The following MECOM variants were observed in gnomAD, a reference collection of about 807,000 sequenced individuals.
MECOM encodes the protein histone-lysine N-methyltransferase MECOM.
Under a neutral mutation model 116.3 loss-of-function variants are expected in MECOM, and 13 were observed. The observed-to-expected ratio is 0.11, with a 90% confidence interval of 0.07 to 0.18. The LOEUF (loss-of-function observed/expected upper bound fraction) is 0.18, where lower values mean the gene tolerates loss of function less well. MECOM is among the 10% of genes least tolerant of loss of function. The probability of loss-of-function intolerance (pLI) is 1.00; values close to 1 mark genes in which losing one functional copy is unlikely to be tolerated. For synonymous variants in MECOM, 528 were observed against 535.2 expected, an observed-to-expected ratio of 0.99 and a Z score of 0.19; for missense variants, 1,299 against 1,509.0, an observed-to-expected ratio of 0.86 and a Z score of 2.31.
intron 11 of MECOM, 72 bp downstream of exon 11, chr3:169,101,988 A>G: frequency 6.9e-7 from 1 of 1,458,560 alleles, no homozygotes; most frequent in Non-Finnish European, 9.2e-7. Context: ...AATTTCCAAA[A>G]CAAACAGCAA....
At chr3:169,576,450 T>G (rs553897214) in intron 1 of MECOM, among the ~76,000 whole-genome samples, 3 of 152,240 alleles carry the variant, frequency 2.0e-5, no homozygotes, top group Admixed American at 6.5e-5. Flanking sequence ...TGGAACAGTG[T>G]GGCACATCAA....
intron 1 of MECOM, among the ~76,000 whole-genome samples, chr3:169,598,709 G>C (rs1767453963): frequency 6.6e-6 from 1 of 152,142 alleles, no homozygotes; most frequent in Admixed American, 6.5e-5. Context: ...CACCGCAGTT[G>C]GTGCATATAA....
At chr3:169,300,184 T>C (rs1196966830) in intron 2 of MECOM, among the ~76,000 whole-genome samples, 1 of 152,230 alleles carries the variant, frequency 6.6e-6, no homozygotes, top group African/African-American at 2.4e-5. Flanking sequence ...AGTCATAACC[T>C]TTGTTTAAGA....
intron 1 of MECOM, among the ~76,000 whole-genome samples, chr3:169,661,835 C>T (rs1175687884): frequency 1.3e-5 from 2 of 152,162 alleles, no homozygotes; most frequent in Non-Finnish European, 2.9e-5. Context: ...AAGCATCCCA[C>T]CCATCTCCGA....
rs1728995107 is a variant in MECOM at position 169,115,835 on chromosome 3, C to T, written c.2037G>A (p.Val679=). 1 of 1,614,064 alleles carries T rather than the reference C, an allele frequency of 6.2e-7. No individual in the cohort carries two copies. The highest frequency in any genetic ancestry group is 8.5e-7 in the Non-Finnish European group (1 of 1,180,028). The change falls in exon 8 of 17, where the codon GTG becomes GTA. Residue 679 remains valine (V), a synonymous_variant. Transcript: ENST00000651503. ...AEKYFGSTGL[V]GLQDKKVGAL... ...CTCCAACTTTTTTGTCTTGCAGCCCCACCAGTCCTGTTGAACCAAAGTATT... is the reference window on the plus strand; with the variant it reads ...CTCCAACTTTTTTGTCTTGCAGCCCTACCAGTCCTGTTGAACCAAAGTATT...
At chr3:169,211,796 T>C (rs1159000896) in intron 2 of MECOM, among the ~76,000 whole-genome samples, 3 of 152,152 alleles carry the variant, frequency 2.0e-5, no homozygotes, top group African/African-American at 7.2e-5. Context: ...TTGACCTCAC[T>C]AGACAAAAGT....
chr3:169,448,875 T>G (rs1745090689), intron 1 of MECOM, among the ~76,000 whole-genome samples: 2 of 152,152 alleles, frequency 1.3e-5, no homozygotes, highest in Non-Finnish European at 2.9e-5. Context: ...AAGGAGGTAA[T>G]GTCACTTTCC....
rs1759733671 is a variant in MECOM, at chr3:169,539,007, GAAAT to G, written c.37+124325_37+124328del. 5.3e-5 allele frequency among the ~76,000 whole-genome samples: 8 copies of G among 149,586 alleles called. 1 individual carries two copies. In the South Asian group the frequency reaches 1.7e-3, roughly 32 times the overall value. On this transcript the variant is annotated intron_variant, in intron 1 of 16. Coordinates refer to ENST00000651503, the MANE Select transcript of MECOM (RefSeq NM_004991.4). Reference sequence around the variant, plus strand: ...TTATTTCAGAATTTGCATTTTCACTGAAATAAATATTTTATAGATTCCAAAAAAA... The same window carrying G: ...TTATTTCAGAATTTGCATTTTCACTGAAATATTTTATAGATTCCAAAAAAA...
chr3:169,267,086 A>G (rs759940952), intron 2 of MECOM, among the ~76,000 whole-genome samples: 1 of 152,210 alleles, frequency 6.6e-6, no homozygotes, highest in Non-Finnish European at 1.5e-5. Flanking sequence ...TCTTGCTTAG[A>G]ACATGCACAG....
At chr3:169,570,512 CA>C (rs1447620759) in intron 1 of MECOM, among the ~76,000 whole-genome samples, 2 of 152,118 alleles carry the variant, frequency 1.3e-5, no homozygotes, top group Non-Finnish European at 2.9e-5. Flanking sequence ...ATCCTAATAC[CA>C]AAACCTGAAA....
At chr3:169,090,410 G>T (rs1037187531) in intron 14 of MECOM, among the ~76,000 whole-genome samples, 174 bp from the exon 15 acceptor site, 3 of 151,928 alleles carry the variant, frequency 2.0e-5, no homozygotes, top group African/African-American at 7.3e-5. Flanking sequence ...CTTCACAAAT[G>T]GGAAGATAAA....
In MECOM at chr3:169,327,656, A is replaced by G. The variant is rs575777768; in HGVS notation, c.375+53531T>C. Among the ~76,000 whole-genome samples, 188 of 151,764 alleles carry G rather than the reference A, an allele frequency of 1.2e-3. 1 individual carries two copies. Among genetic ancestry groups the G allele is most frequent in the Middle Eastern group, 0.01 (3 of 294 alleles). Reference sequence around the variant, plus strand: ...CTGTGTCTCAAAAAAAAAAAAAAAAAAGAAAAAAAAGCATAAAAACATTGA... The same window carrying G: ...CTGTGTCTCAAAAAAAAAAAAAAAAGAGAAAAAAAAGCATAAAAACATTGA... On this transcript the variant is annotated intron_variant, in intron 2 of 16. Coordinates refer to ENST00000651503, the MANE Select transcript of MECOM (RefSeq NM_004991.4).
At chr3:169,337,643 G>A (rs971947171) in intron 2 of MECOM, among the ~76,000 whole-genome samples, 1 of 152,092 alleles carries the variant, frequency 6.6e-6, no homozygotes, top group African/African-American at 2.4e-5. Context: ...CAAAGTCCCT[G>A]TCTTCTAGAA....
intron 3 of MECOM, 105 bp downstream of exon 3, chr3:169,143,593 A>T: frequency 9.1e-7 from 1 of 1,104,028 alleles, no homozygotes; most frequent in African/African-American, 1.6e-5. Flanking sequence ...AATATCAACA[A>T]ACAGGCCACA....
At chr3:169,367,671 A>G (rs1189181988) in intron 2 of MECOM, among the ~76,000 whole-genome samples, 4 of 152,018 alleles carry the variant, frequency 2.6e-5, no homozygotes, top group African/African-American at 2.4e-5. Flanking sequence ...TATTTTCTGT[A>G]TCTTCAGCAG....
intron 1 of MECOM, among the ~76,000 whole-genome samples, chr3:169,456,798 G>A (rs1746587287): frequency 6.6e-6 from 1 of 152,146 alleles, no homozygotes; most frequent in Admixed American, 6.5e-5. Flanking sequence ...CGCACTGAAA[G>A]TTTAACCAGT....
chr3:169,168,127 A>G (rs1743878126), intron 2 of MECOM, among the ~76,000 whole-genome samples: 1 of 152,150 alleles, frequency 6.6e-6, no homozygotes, highest in African/African-American at 2.4e-5. Context: ...TTTCATAATC[A>G]GTTTTATTTA....
At chr3:169,115,012 A>T (rs1467296545) in intron 8 of MECOM, among the ~76,000 whole-genome samples, 1 of 152,122 alleles carries the variant, frequency 6.6e-6, no homozygotes, top group Non-Finnish European at 1.5e-5. Context: ...AAAGAACCTG[A>T]CCCATTTAAG....
intron 1 of MECOM, among the ~76,000 whole-genome samples, chr3:169,534,119 T>C (rs1759021739): frequency 6.6e-6 from 1 of 152,226 alleles, no homozygotes; most frequent in Non-Finnish European, 1.5e-5. Context: ...ACCCAGCAGA[T>C]GCACTATGAA....
Sources: allele counts gnomAD v4.1 joint callset (sites outside exome capture counted in the v4.1 genomes callset), GRCh38; gene constraint gnomAD v4.1.1; transcripts MANE v1.5; gene names NCBI Gene and HGNC (gene_info 2026-07-23, HGNC 2026-07-21).